The following ACAN variants were observed in gnomAD, a reference collection of about 807,000 sequenced individuals.
The protein encoded by ACAN is aggrecan, also known as aggrecan core protein.
Under a neutral mutation model 169.1 loss-of-function variants are expected in ACAN, and 47 were observed. The observed-to-expected ratio is 0.28, with a 90% CI of 0.22 to 0.35. The LOEUF is 0.35. Ranked by LOEUF, ACAN falls within the 10% of genes least tolerant of loss-of-function variation. The pLI, the probability that ACAN is intolerant of heterozygous loss-of-function variation, is 1.00. For synonymous variants in ACAN, 1,115 were observed against 1,112.2 expected (o/e 1.00, Z -0.05); for missense variants, 2,716 against 2,759.9 (o/e 0.98, Z 0.36).
rs577907646 is a variant in ACAN, at chr15:88,873,723, G to A, written c.7448-119G>A. 1.9e-5 allele frequency: 21 copies of A among 1,097,152 alleles called. No individual in the cohort carries two copies. Among genetic ancestry groups the A allele is most frequent in the East Asian group, 1.8e-4 (7 of 38,500 alleles). 68.0% of individuals were successfully genotyped at this position (1,097,152 alleles called of 1,614,324 possible). A position where few individuals can be genotyped will look rare whatever the true frequency, so the allele number is the denominator to read the frequency against. ...CAGATTCTTAGCGCTGCATGAAAAC[G>A]TCCAGGGCTCACTGTCAGATGTTGA... On this transcript the variant is annotated intron_variant, in intron 17 of 18. Transcript: ENST00000560601. This position sits in a 1 kb window ranked among gnomAD's most constrained non-coding sequence, Gnocchi z 7.5.
At position 88,851,949 on chromosome 15, in the gene ACAN, G is replaced by A; in HGVS notation, c.2182G>A (p.Ala728Thr). The A allele has an allele frequency of 1.2e-6, 2 of 1,612,468 alleles. No individual in the cohort carries two copies. The highest frequency in any genetic ancestry group is 1.7e-6 in the Non-Finnish European group (2 of 1,179,306). ...TTAVPSGETT[A>T]ILEFTTEPEN... Reference sequence around the variant, plus strand: ...TGCTGTACCCTCAGGGGAGACTACTGCCATCCTAGAGTTCACCACCGAGCC... The same window carrying A: ...TGCTGTACCCTCAGGGGAGACTACTACCATCCTAGAGTTCACCACCGAGCC... The change falls in exon 11 of 19, where the codon GCC becomes ACC. Residue 728 changes from alanine (A) to threonine (T), a missense_variant. By Grantham distance (58) the Ala-to-Thr change is moderately conservative. This residue lies in a region of ACAN where 1,283 missense variants were observed against 1,281.5 expected (regional missense o/e 1.00). Transcript: ENST00000560601. The surrounding 1 kb of genome is among the most constrained non-coding windows in gnomAD (Gnocchi z 4.3).
Position 88,873,163 on chromosome 15 carries a change from C to A in ACAN, c.7447+138C>A. 8.2e-7 allele frequency: 1 copy of A among 1,212,674 alleles called. No homozygotes were observed. The highest frequency in any genetic ancestry group is 1.6e-5 in the South Asian group (1 of 63,234). 75.1% of individuals were successfully genotyped at this position (1,212,674 alleles called of 1,614,324 possible). A position where few individuals can be genotyped will look rare whatever the true frequency, so the allele number is the denominator to read the frequency against. Reference sequence around the variant, plus strand: ...TCTCCTCACTTGTCCAAAAGGCAGACTGGAGCTGACCTAGGGGTCCCTCCT... The same window carrying A: ...TCTCCTCACTTGTCCAAAAGGCAGAATGGAGCTGACCTAGGGGTCCCTCCT... On this transcript the variant is annotated intron_variant, in intron 17 of 18. Transcript: ENST00000560601. The surrounding 1 kb of genome is among the most constrained non-coding windows in gnomAD (Gnocchi z 7.5).
Position 88,870,438 on chromosome 15 carries a change from A to T in ACAN, c.7061-944A>T, listed in dbSNP as rs2141636221. Among the ~76,000 whole-genome samples the T allele has an allele frequency of 6.6e-6, 1 of 152,318 alleles. No homozygotes were observed. The highest frequency in any genetic ancestry group is 1.9e-4 in the East Asian group (1 of 5,174). ...GGCAGATGTTTAACAACCAGCTCTC[A>T]TAGAGGAGAAAGGAGCCCTGATTGT... On this transcript the variant is annotated intron_variant, in intron 14 of 18. Coordinates refer to ENST00000560601, the MANE Select transcript of ACAN (RefSeq NM_001369268.1). The surrounding 1 kb of genome is among the most constrained non-coding windows in gnomAD (Gnocchi z 6.3).
At chr15:88,847,795 C>A in intron 8 of ACAN, 116 bp from the exon 9 acceptor site, 1 of 1,333,002 alleles carries the variant, frequency 7.5e-7, no homozygotes, top group Non-Finnish European at 1.0e-6. Context: ...TTGAATACCA[C>A]CAGACAACTG....
intron 6 of ACAN, 82 bp from the exon 7 acceptor site, chr15:88,845,423 T>A: frequency 6.6e-7 from 1 of 1,510,540 alleles, no homozygotes; most frequent in Non-Finnish European, 8.9e-7. Context: ...GGGGGAGCCA[T>A]GCTCATCTCC....
At chr15:88,809,961 A>C (rs1299040646) in intron 1 of ACAN, among the ~76,000 whole-genome samples, 1 of 152,234 alleles carries the variant, frequency 6.6e-6, no homozygotes, top group East Asian at 1.9e-4. Context: ...ACTAAAAGCC[A>C]CTAGCCAAAG....
Position 88,860,429 on chromosome 15 carries a change from C to T in ACAN, c.6936C>T (p.His2312=), listed in dbSNP as rs370515602. ...CLCPPGYTGE[H]CNIDIDECLS... ...GCCCCCCTGGCTACACTGGCGAGCACTGTAACATAGGTAAGGCCCTCATTG... is the reference window on the plus strand; with the variant it reads ...GCCCCCCTGGCTACACTGGCGAGCATTGTAACATAGGTAAGGCCCTCATTG... The change falls in exon 13 of 19, where the codon CAC becomes CAT. Residue 2312 remains histidine (H), a synonymous_variant. Coordinates refer to ENST00000560601, the MANE Select transcript of ACAN (RefSeq NM_001369268.1). The T allele has an allele frequency of 1.9e-6, 3 of 1,613,084 alleles. No individual in the cohort carries two copies. Among genetic ancestry groups the T allele is most frequent in the South Asian group, 1.1e-5 (1 of 90,928 alleles).
At chr15:88,824,126 C>A (rs1409769629) in intron 1 of ACAN, among the ~76,000 whole-genome samples, 1 of 152,044 alleles carries the variant, frequency 6.6e-6, no homozygotes, top group Non-Finnish European at 1.5e-5. Context: ...AGATCAAGAC[C>A]ATCCTGGCTA....
rs79005350 is a variant in ACAN, at chr15:88,804,845, T to C, written c.-8+1036T>C. 2.8e-3 allele frequency among the ~76,000 whole-genome samples: 432 copies of C among 152,240 alleles called. 9 individuals carry two copies. In the South Asian group the frequency reaches 0.048, roughly 17 times the overall value. On this transcript the variant is annotated intron_variant, in intron 1 of 18. Transcript: ENST00000560601. ...ATGTTGACTGATGTGTAAATTCTGG[T>C]TCTGTGGGGCTGGCTGCCAGGAGGA... is the stretch of plus-strand genomic sequence containing the variant.
chr15:88,822,677 G>T (rs973816970), intron 1 of ACAN, among the ~76,000 whole-genome samples: 12 of 152,046 alleles, frequency 7.9e-5, no homozygotes, highest in African/African-American at 2.2e-4. Context: ...CAGGTGATCT[G>T]CCCGCCTCAG....
intron 1 of ACAN, among the ~76,000 whole-genome samples, chr15:88,817,911 A>G (rs72765671): frequency 0.1 from 15,631 of 151,622 alleles, 921 homozygotes; most frequent in Non-Finnish European, 0.14. Context: ...ATAAAAATAT[A>G]CTATAGACTT....
intron 1 of ACAN, among the ~76,000 whole-genome samples, chr15:88,812,248 T>C (rs903232976): frequency 6.6e-6 from 1 of 152,172 alleles, no homozygotes; most frequent in East Asian, 1.9e-4. Context: ...GCAAGACTTA[T>C]GTACACCAGA....
chr15:88,807,099 G>T lies in ACAN; in HGVS notation c.-8+3290G>T, dbSNP rs908781852. On this transcript the variant is annotated intron_variant, in intron 1 of 18. Transcript: ENST00000560601. The surrounding 1 kb of genome is among the most constrained non-coding windows in gnomAD (Gnocchi z 4.0). ...CTGTCTCAGAAATTTCAGCATTGTG[G>T]CCCTAGGTGGCAGGTGCTGGGGCAT... Among the ~76,000 whole-genome samples the T allele has an allele frequency of 6.6e-6, 1 of 151,936 alleles. No homozygotes were observed. The highest frequency in any genetic ancestry group is 2.1e-4 in the South Asian group (1 of 4,818).
rs533066131 is a variant in ACAN at position 88,821,734 on chromosome 15, A to T, written c.-7-14466A>T. On this transcript the variant is annotated intron_variant, in intron 1 of 18. Coordinates refer to ENST00000560601, the MANE Select transcript of ACAN (RefSeq NM_001369268.1). ...GATGAAGAGGTCTTGTTCACTGTCC[A>T]CTCAGCCAACACTGAACCATCCTGG... Among the ~76,000 whole-genome samples the T allele has an allele frequency of 1.4e-4, 21 of 152,194 alleles. 1 individual carries two copies. The South Asian group carries it at 3.1e-3, about 23-fold the overall frequency.
chr15:88,819,968 C>A (rs1317704904), intron 1 of ACAN, among the ~76,000 whole-genome samples: 2 of 152,068 alleles, frequency 1.3e-5, no homozygotes, highest in Non-Finnish European at 2.9e-5. Flanking sequence ...CTCTACCACT[C>A]ACTGGCTGAG....
chr15:88,860,255 T>C (rs1897166818), intron 12 of ACAN, 71 bp from the exon 13 acceptor site: 1 of 1,127,152 alleles, frequency 8.9e-7, no homozygotes, highest in African/African-American at 1.5e-5. Context: ...GCCCCAACTT[T>C]GAGGTCTTGG....
At position 88,868,574 on chromosome 15, in the gene ACAN, C is replaced by T. The variant is rs9972588; in HGVS notation, c.7060+245C>T. On this transcript the variant is annotated intron_variant, in intron 14 of 18. Coordinates refer to ENST00000560601, the MANE Select transcript of ACAN (RefSeq NM_001369268.1). The surrounding 1 kb of genome is among the most constrained non-coding windows in gnomAD (Gnocchi z 5.2). ...CTGACTTTCTCCAGGGCTTCCAGAT[C>T]TACTGATGCCACCACCGAGGTTGGT... is the stretch of plus-strand genomic sequence containing the variant. 0.19 allele frequency among the ~76,000 whole-genome samples: 29,215 copies of T among 152,094 alleles called. 4,786 individuals are homozygous for T. The highest frequency in any genetic ancestry group is 0.45 in the African/African-American group (18,553 of 41,444).
At position 88,872,832 on chromosome 15, in the gene ACAN, C is replaced by A. The variant is rs780883296; in HGVS notation, c.7303-49C>A. On this transcript the variant is annotated intron_variant, in intron 16 of 18. Transcript: ENST00000560601. This position sits in a 1 kb window ranked among gnomAD's most constrained non-coding sequence, Gnocchi z 5.4. ...GGGGAAGACAGTCGGAGCAGGCCAACCCGCACTGTCCTGCCCTCTCCTTAC... is the reference window on the plus strand; with the variant it reads ...GGGGAAGACAGTCGGAGCAGGCCAAACCGCACTGTCCTGCCCTCTCCTTAC... The A allele has an allele frequency of 3.7e-6, 6 of 1,602,608 alleles. No homozygotes were observed. The South Asian group carries it at 5.6e-5, about 15-fold the overall frequency.
At chr15:88,853,950 C>A (rs1374375707) in intron 11 of ACAN, among the ~76,000 whole-genome samples, 1 of 152,014 alleles carries the variant, frequency 6.6e-6, no homozygotes, top group Non-Finnish European at 1.5e-5. Flanking sequence ...GTGGACCCAG[C>A]ACCCTCAGTG....
Sources: gnomAD v4.1 joint callset for allele counts (sites outside exome capture counted in the v4.1 genomes callset) on GRCh38, gnomAD v4.1.1 for gene constraint, gnomAD v4.1.1 regional missense constraint, Gnocchi (gnomAD v3.1) non-coding constraint, MANE v1.5 for transcripts, NCBI Gene and HGNC (gene_info 2026-07-23, HGNC 2026-07-21) for gene names.